Variants in RNLS observed in about 807,000 individuals in gnomAD.
The protein encoded by RNLS is renalase, FAD dependent amine oxidase.
A neutral mutation model predicts 39.8 loss-of-function variants in RNLS; 39 were observed. The observed-to-expected ratio is 0.98, with a 90% confidence interval of 0.76 to 1.28. The LOEUF is 1.28. Ranked by LOEUF, RNLS falls within the 50% of genes most tolerant of loss-of-function variation. The pLI is 0.00. For synonymous variants in RNLS, 147 were observed against 150.7 expected (o/e 0.98, Z 0.18); for missense variants, 410 against 413.3 (o/e 0.99, Z 0.07).
chr10:88,289,098 G>A (rs1267284720), intron 6 of RNLS, among the ~76,000 whole-genome samples: 1 of 152,152 alleles, frequency 6.6e-6, no homozygotes, highest in East Asian at 1.9e-4. Flanking sequence ...CTCTAGAGTA[G>A]CAAATGCAAT....
At chr10:88,459,786 T>C (rs1842841400) in intron 4 of RNLS, among the ~76,000 whole-genome samples, 1 of 152,174 alleles carries the variant, frequency 6.6e-6, no homozygotes, top group Non-Finnish European at 1.5e-5. Context: ...TGAAAGACAT[T>C]TGTGTTTCTA....
At chr10:88,546,884 T>C (rs898239936) in intron 4 of RNLS, among the ~76,000 whole-genome samples, 2 of 145,206 alleles carry the variant, frequency 1.4e-5, no homozygotes, top group Non-Finnish European at 3.0e-5. Context: ...AAGTCCAAAA[T>C]TGATTTCTTA....
intron 4 of RNLS, among the ~76,000 whole-genome samples, chr10:88,549,702 T>C (rs1848518911): frequency 6.6e-6 from 1 of 152,204 alleles, no homozygotes. Context: ...AGCCGACTGA[T>C]CAGTTAATTT....
the RNLS span, among the ~76,000 whole-genome samples, chr10:88,189,360 C>T: frequency 6.6e-6 from 1 of 152,068 alleles, no homozygotes; most frequent in Non-Finnish European, 1.5e-5. Flanking sequence ...TATTGTTTTA[C>T]TCTGTGTATT....
chr10:88,216,383 T>C, the RNLS span, among the ~76,000 whole-genome samples: 3 of 152,232 alleles, frequency 2.0e-5, no homozygotes, highest in African/African-American at 7.2e-5. Flanking sequence ...AAGATATCTG[T>C]ATTTTTCCTA....
intron 6 of RNLS, among the ~76,000 whole-genome samples, chr10:88,293,643 A>G (rs1843848537): frequency 6.6e-6 from 1 of 152,192 alleles, no homozygotes; most frequent in South Asian, 2.1e-4. Context: ...TTAAAAGATA[A>G]CAATATTACC....
At chr10:88,448,179 G>A (rs912284149) in intron 4 of RNLS, among the ~76,000 whole-genome samples, 4 of 152,184 alleles carry the variant, frequency 2.6e-5, no homozygotes, top group African/African-American at 9.7e-5. Flanking sequence ...AAACTAAAGA[G>A]CTTCTGCACA....
At chr10:88,425,968 A>C (rs1387799507) in intron 4 of RNLS, among the ~76,000 whole-genome samples, 1 of 152,100 alleles carries the variant, frequency 6.6e-6, no homozygotes, top group African/African-American at 2.4e-5. Context: ...AATAGAATGC[A>C]CAAGTGTCCC....
intron 4 of RNLS, among the ~76,000 whole-genome samples, chr10:88,517,844 C>A (rs1436077455): frequency 6.6e-6 from 1 of 151,786 alleles, no homozygotes; most frequent in Non-Finnish European, 1.5e-5. Context: ...AGAAAATTTT[C>A]ATACCATTTG....
At chr10:88,454,402 A>G (rs1335318376) in intron 4 of RNLS, among the ~76,000 whole-genome samples, 1 of 152,048 alleles carries the variant, frequency 6.6e-6, no homozygotes, top group Non-Finnish European at 1.5e-5. Flanking sequence ...ATGTCTGGAG[A>G]AGTCAGAGGA....
chr10:88,230,372 G>A, the RNLS span, among the ~76,000 whole-genome samples: 3 of 152,044 alleles, frequency 2.0e-5, no homozygotes, highest in East Asian at 3.9e-4. Context: ...TTGTCTATTT[G>A]ATCTCCATGG....
chr10:88,452,871 G>A (rs1219920514), intron 4 of RNLS, among the ~76,000 whole-genome samples: 1 of 152,142 alleles, frequency 6.6e-6, no homozygotes, highest in Non-Finnish European at 1.5e-5. Flanking sequence ...GTACTCTCTT[G>A]CTCAATTTTG....
At chr10:88,514,103 C>G (rs2134166651) in intron 4 of RNLS, among the ~76,000 whole-genome samples, 1 of 151,246 alleles carries the variant, frequency 6.6e-6, no homozygotes, top group East Asian at 1.9e-4. Flanking sequence ...AAACAACTGC[C>G]CGAGACTGGG....
At chr10:88,555,911 C>T (rs939989731) in intron 4 of RNLS, among the ~76,000 whole-genome samples, 5 of 152,100 alleles carry the variant, frequency 3.3e-5, no homozygotes, top group African/African-American at 1.2e-4. Context: ...AATCTTGGAC[C>T]TCATCCAGTT....
At chr10:88,176,109 G>A in the RNLS span, among the ~76,000 whole-genome samples, 1 of 151,542 alleles carries the variant, frequency 6.6e-6, no homozygotes, top group African/African-American at 2.4e-5. Flanking sequence ...GGTGAAGTGA[G>A]TTTCTTGTAG....
chr10:88,320,686 A>T (rs999002405), intron 5 of RNLS, among the ~76,000 whole-genome samples: 13 of 142,912 alleles, frequency 9.1e-5, no homozygotes, highest in African/African-American at 2.6e-4. Flanking sequence ...CAAACACATT[A>T]AAAAAAAAAG....
At chr10:88,467,789 G>A (rs527615546) in intron 4 of RNLS, among the ~76,000 whole-genome samples, 3 of 152,186 alleles carry the variant, frequency 2.0e-5, no homozygotes, top group Non-Finnish European at 2.9e-5. Context: ...CAATGCTCTC[G>A]CCCTTTCTTT....
chr10:88,519,687 T>A (rs1846602461), intron 4 of RNLS, among the ~76,000 whole-genome samples: 1 of 144,208 alleles, frequency 6.9e-6, no homozygotes, highest in Non-Finnish European at 1.5e-5. Context: ...CACTGCCAGC[T>A]ACATAGATAT....
chr10:88,459,249 A>G (rs1842809880), intron 4 of RNLS, among the ~76,000 whole-genome samples: 1 of 151,590 alleles, frequency 6.6e-6, no homozygotes, highest in African/African-American at 2.4e-5. Flanking sequence ...AAATTTTCCT[A>G]TTAAAATATG....
Sources: gnomAD v4.1 joint callset for allele counts (sites outside exome capture counted in the v4.1 genomes callset) on GRCh38, gnomAD v4.1.1 for gene constraint, MANE v1.5 for transcripts, NCBI Gene and HGNC (gene_info 2026-07-23, HGNC 2026-07-21) for gene names.